CSMD1: variants seen among roughly 807,000 people sequenced by gnomAD.
CSMD1 encodes the protein CUB and sushi domain-containing protein 1.
CSMD1 carries 213 observed loss-of-function variants against 417.5 expected under a neutral mutation model. The observed-to-expected ratio is 0.51, with a 90% confidence interval of 0.46 to 0.57. The LOEUF is 0.57. Among genes scored for constraint, CSMD1 ranks in the 20% least tolerant of loss-of-function variants. CSMD1 has a pLI of 0.00. For synonymous variants in CSMD1, 2,862 were observed against 1,736.8 expected, an observed-to-expected ratio of 1.65 and a Z score of -16.11; for missense variants, 6,923 against 4,529.7, an observed-to-expected ratio of 1.53 and a Z score of -15.17.
intron 6 of CSMD1, among the ~76,000 whole-genome samples, chr8:3,740,187 C>A (rs999378759): frequency 4.0e-4 from 61 of 152,288 alleles, no homozygotes; most frequent in African/African-American, 1.5e-3. Flanking sequence ...CTCACTGCAA[C>A]CCCCACCTCC....
At chr8:4,437,820 G>A (rs973653569) in intron 2 of CSMD1, among the ~76,000 whole-genome samples, 1 of 152,114 alleles carries the variant, frequency 6.6e-6, no homozygotes, top group Non-Finnish European at 1.5e-5. Context: ...TGGTTGATGG[G>A]CTTGTCTGTA....
intron 3 of CSMD1, among the ~76,000 whole-genome samples, chr8:4,040,748 G>A (rs1797845007): frequency 6.6e-6 from 1 of 152,062 alleles, no homozygotes. Context: ...CAAAAACAAG[G>A]TAAGCGACCA....
chr8:4,212,927 C>T (rs1342804425), intron 3 of CSMD1, among the ~76,000 whole-genome samples: 1 of 152,022 alleles, frequency 6.6e-6, no homozygotes, highest in East Asian at 1.9e-4. Flanking sequence ...TTCTCATTCC[C>T]AACTAGCTTT....
chr8:3,584,273 G>A lies in CSMD1; in HGVS notation c.1222+1863C>T, dbSNP rs542849699. On this transcript the variant is annotated intron_variant, in intron 9 of 69. Coordinates refer to ENST00000635120, the MANE Select transcript of CSMD1 (RefSeq NM_033225.6). ...GCACTCTTTGCCTGTGGAGTTGAAAGGAAGAGGCAGAGTCTTGGCGATTAC... is the reference window on the plus strand; with the variant it reads ...GCACTCTTTGCCTGTGGAGTTGAAAAGAAGAGGCAGAGTCTTGGCGATTAC... 4.1e-4 allele frequency among the ~76,000 whole-genome samples: 62 copies of A among 152,298 alleles called. No individual in the cohort carries two copies. In the East Asian group the frequency reaches 5.4e-3, roughly 13 times the overall value.
chr8:3,811,659 A>G (rs1205365446), intron 5 of CSMD1, among the ~76,000 whole-genome samples: 1 of 152,074 alleles, frequency 6.6e-6, no homozygotes, highest in Admixed American at 6.6e-5. Flanking sequence ...GCCACCATCT[A>G]TGCCAGGAAT....
intron 3 of CSMD1, among the ~76,000 whole-genome samples, chr8:4,378,127 G>A (rs1386227856): frequency 6.6e-6 from 1 of 152,204 alleles, no homozygotes; most frequent in East Asian, 1.9e-4. Flanking sequence ...CGGGTGGCAT[G>A]GAGTGTACAT....
intron 3 of CSMD1, among the ~76,000 whole-genome samples, chr8:4,348,648 G>GGAGA (rs750381880): frequency 1.4e-4 from 15 of 110,422 alleles, no homozygotes; most frequent in East Asian, 3.0e-4. Context: ...AGAGGGAGGG[G>GGAGA]GAGAGAGAGA....
intron 5 of CSMD1, among the ~76,000 whole-genome samples, chr8:3,980,863 T>A (rs1039670358): frequency 6.6e-6 from 1 of 152,192 alleles, no homozygotes; most frequent in Non-Finnish European, 1.5e-5. Context: ...TCCTTTCAAG[T>A]TGGGAATGAA....
intron 11 of CSMD1, among the ~76,000 whole-genome samples, chr8:3,475,587 G>T (rs1450990785): frequency 6.6e-6 from 1 of 152,148 alleles, no homozygotes; most frequent in African/African-American, 2.4e-5. Flanking sequence ...TGAAACAAGA[G>T]AATTGTATTA....
chr8:3,032,246 G>C (rs1365066244), intron 50 of CSMD1, among the ~76,000 whole-genome samples: 1 of 151,828 alleles, frequency 6.6e-6, no homozygotes, highest in Non-Finnish European at 1.5e-5. Context: ...AAGAATGATA[G>C]GTAGAGAACA....
At chr8:4,328,340 TTCTC>T (rs1799676017) in intron 3 of CSMD1, among the ~76,000 whole-genome samples, 1 of 151,638 alleles carries the variant, frequency 6.6e-6, no homozygotes, top group Non-Finnish European at 1.5e-5. Context: ...GGTCTGAGAC[TTCTC>T]TCTTTCTTAG....
intron 14 of CSMD1, among the ~76,000 whole-genome samples, chr8:3,407,632 C>T (rs953701799): frequency 3.3e-5 from 5 of 151,916 alleles, no homozygotes; most frequent in African/African-American, 7.3e-5. Context: ...AATGGAAAAC[C>T]GGAGAGAAAG....
intron 23 of CSMD1, among the ~76,000 whole-genome samples, chr8:3,331,021 C>T (rs190427235): frequency 0.013 from 2,015 of 152,114 alleles, 43 homozygotes; most frequent in African/African-American, 0.046. Flanking sequence ...GAGGCCGAGG[C>T]GGGCGGATCA....
At chr8:3,407,353 G>A (rs1258582397) in intron 14 of CSMD1, among the ~76,000 whole-genome samples, 1 of 151,784 alleles carries the variant, frequency 6.6e-6, no homozygotes, top group Admixed American at 6.6e-5. Flanking sequence ...TGAATGGATG[G>A]ATGGAAAGAT....
chr8:4,268,389 C>T (rs1804356739), intron 3 of CSMD1, among the ~76,000 whole-genome samples: 2 of 152,098 alleles, frequency 1.3e-5, no homozygotes, highest in Admixed American at 1.3e-4. Flanking sequence ...TTAATTCTCT[C>T]AAGAGGAAGT....
chr8:4,869,544 T>C (rs1802612836), intron 1 of CSMD1, among the ~76,000 whole-genome samples: 3 of 152,114 alleles, frequency 2.0e-5, no homozygotes, highest in Non-Finnish European at 4.4e-5. Flanking sequence ...TATATTTTTT[T>C]ACTGCATGGC....
chr8:4,959,098 T>C (rs1037565542), intron 1 of CSMD1, among the ~76,000 whole-genome samples: 1 of 152,190 alleles, frequency 6.6e-6, no homozygotes, highest in African/African-American at 2.4e-5. Context: ...GTTTAGTCTA[T>C]GCTTAGTTTT....
chr8:4,673,213 T>C (rs945650247), intron 1 of CSMD1, among the ~76,000 whole-genome samples: 3 of 152,216 alleles, frequency 2.0e-5, no homozygotes, highest in African/African-American at 7.2e-5. Context: ...AATGTTAAAA[T>C]TTATGCCAAA....
At chr8:3,745,959 G>C (rs981906863) in intron 6 of CSMD1, among the ~76,000 whole-genome samples, 2 of 152,198 alleles carry the variant, frequency 1.3e-5, no homozygotes, top group Non-Finnish European at 2.9e-5. Flanking sequence ...TTCATGACCA[G>C]TTGGTCAATG....
Sources: allele counts gnomAD v4.1 joint callset (sites outside exome capture counted in the v4.1 genomes callset), GRCh38; gene constraint gnomAD v4.1.1; transcripts MANE v1.5; gene names NCBI Gene and HGNC (gene_info 2026-07-23, HGNC 2026-07-21).